Variants in SUGCT observed in about 807,000 individuals in gnomAD.
The protein encoded by SUGCT is succinyl-CoA:glutarate-CoA transferase.
In SUGCT, 41 loss-of-function variants were observed where a neutral mutation model predicts 55.0. That is an observed-to-expected ratio of 0.74 (90% CI 0.58 to 0.97). The LOEUF (loss-of-function observed/expected upper bound fraction) is 0.97, where lower values mean the gene tolerates loss of function less well. SUGCT is among the 50% of genes least tolerant of loss of function. SUGCT has a pLI of 0.00. For missense variants in SUGCT, 568 were observed against 547.8 expected (o/e 1.04, Z -0.37); for synonymous variants, 187 against 200.4 (o/e 0.93, Z 0.56).
chr7:40,441,152 G>A (rs551211358), intron 9 of SUGCT, among the ~76,000 whole-genome samples: 2 of 152,250 alleles, frequency 1.3e-5, no homozygotes, highest in Non-Finnish European at 2.9e-5. Context: ...TATTTGCCAA[G>A]TACATGAATC....
chr7:40,233,151 G>A lies in SUGCT; in HGVS notation c.485-4484G>A, dbSNP rs533512487. Among the ~76,000 whole-genome samples the A allele has an allele frequency of 4.6e-5, 7 of 151,932 alleles. No homozygotes were observed. In the East Asian group the frequency reaches 1.3e-3, roughly 29 times the overall value. The stretch of plus-strand genomic sequence containing the variant: ...AGTACTGGTAGTCAGTATTTAAATA[G>A]TTACAAGTATAAGGTGAAAATGTGG... On this transcript the variant is annotated intron_variant, in intron 6 of 13. Coordinates refer to ENST00000335693, the MANE Select transcript of SUGCT (RefSeq NM_001193313.2).
intron 12 of SUGCT, among the ~76,000 whole-genome samples, chr7:40,578,655 G>C (rs996621732): frequency 2.6e-5 from 4 of 152,148 alleles, no homozygotes; most frequent in Non-Finnish European, 4.4e-5. Flanking sequence ...AGCAAAATGA[G>C]TCTCTGAGAA....
intron 8 of SUGCT, among the ~76,000 whole-genome samples, chr7:40,278,825 A>C: frequency 1.4e-5 from 1 of 72,148 alleles, no homozygotes; most frequent in Non-Finnish European, 2.4e-5. Flanking sequence ...TTCAGATCTT[A>C]CATTTTTTTT....
chr7:40,219,821 C>T (rs1787924000), intron 6 of SUGCT, among the ~76,000 whole-genome samples: 1 of 152,084 alleles, frequency 6.6e-6, no homozygotes, highest in South Asian at 2.1e-4. Context: ...TAAAAGGCAA[C>T]TTGTTAATAA....
At chr7:40,421,901 T>A (rs928978149) in intron 9 of SUGCT, among the ~76,000 whole-genome samples, 1 of 152,134 alleles carries the variant, frequency 6.6e-6, no homozygotes, top group African/African-American at 2.4e-5. Context: ...TTCTCAGAGA[T>A]CTCCGACCTT....
At chr7:40,419,570 TTTC>T (rs1787195115) in intron 9 of SUGCT, among the ~76,000 whole-genome samples, 1 of 152,196 alleles carries the variant, frequency 6.6e-6, no homozygotes, top group Non-Finnish European at 1.5e-5. Context: ...CTCTCCATAT[TTTC>T]TTCTTCTTTG....
Position 40,159,449 on chromosome 7 carries a change from C to T in SUGCT, c.101-21498C>T, listed in dbSNP as rs547508919. Among the ~76,000 whole-genome samples the T allele has an allele frequency of 2.6e-5, 4 of 152,116 alleles. No individual in the cohort carries two copies. In the South Asian group the frequency reaches 6.2e-4, roughly 24 times the overall value. On this transcript the variant is annotated intron_variant, in intron 1 of 13. Coordinates refer to ENST00000335693, the MANE Select transcript of SUGCT (RefSeq NM_001193313.2). ...GCAGTGATATGATATCGGCTCACTA[C>T]AATCTCTGCCTCCTGGGTTCAAGCG...
the SUGCT span, among the ~76,000 whole-genome samples, chr7:40,964,125 C>T: frequency 6.6e-6 from 1 of 152,184 alleles, no homozygotes; most frequent in Non-Finnish European, 1.5e-5. Context: ...AATCCTTGCT[C>T]AAGAAGGACT....
the SUGCT span, among the ~76,000 whole-genome samples, chr7:40,907,111 G>GTGTGTGTGTGTGTGTGTGTT: frequency 2.8e-5 from 1 of 36,098 alleles, no homozygotes; most frequent in Non-Finnish European, 5.2e-5. Flanking sequence ...GTGTGTGTGT[G>GTGTGTGTGTGTGTGTGTGTT]TGTGTGTGTG....
At chr7:40,513,206 TCAACC>T (rs1364062207) in intron 12 of SUGCT, among the ~76,000 whole-genome samples, 4 of 152,138 alleles carry the variant, frequency 2.6e-5, no homozygotes, top group African/African-American at 7.2e-5. Context: ...CCATAACTGT[TCAACC>T]TTTGTCTTAT....
intron 9 of SUGCT, among the ~76,000 whole-genome samples, chr7:40,336,691 A>G (rs921614335): frequency 7.2e-5 from 11 of 152,104 alleles, no homozygotes; most frequent in African/African-American, 2.7e-4. Context: ...GATCTTTTCA[A>G]AAAACCAGCT....
intron 12 of SUGCT, among the ~76,000 whole-genome samples, chr7:40,623,321 C>T (rs1434103338): frequency 6.6e-6 from 1 of 152,150 alleles, no homozygotes; most frequent in Non-Finnish European, 1.5e-5. Context: ...GGATTTTAGA[C>T]TTTGTCCGTA....
chr7:40,909,713 A>T, the SUGCT span, among the ~76,000 whole-genome samples: 1 of 152,152 alleles, frequency 6.6e-6, no homozygotes, highest in Non-Finnish European at 1.5e-5. Context: ...CAACTACTCC[A>T]CTTGTCTGAT....
intron 12 of SUGCT, among the ~76,000 whole-genome samples, chr7:40,507,936 A>G (rs1481051624): frequency 1.3e-5 from 2 of 152,248 alleles, no homozygotes; most frequent in East Asian, 3.9e-4. Context: ...TGCTAGTATC[A>G]TGAAGCTAAC....
the SUGCT span, among the ~76,000 whole-genome samples, chr7:40,991,610 A>G: frequency 6.6e-6 from 1 of 152,252 alleles, no homozygotes; most frequent in East Asian, 1.9e-4. Flanking sequence ...CATCTATTGT[A>G]TCTTGATTTG....
At chr7:40,775,491 A>G (rs1484596952) in intron 13 of SUGCT, 1 of 152,238 alleles carries the variant, frequency 6.6e-6, no homozygotes, top group Non-Finnish European at 1.5e-5. Context: ...GTCAGATAAG[A>G]TGCCTAACAT....
At chr7:40,192,230 G>T (rs1785960584) in intron 5 of SUGCT, among the ~76,000 whole-genome samples, 1 of 151,898 alleles carries the variant, frequency 6.6e-6, no homozygotes, top group South Asian at 2.1e-4. Flanking sequence ...ATTACACAAG[G>T]CAATCAGCTG....
At chr7:41,001,288 G>A in the SUGCT span, among the ~76,000 whole-genome samples, 2 of 152,052 alleles carry the variant, frequency 1.3e-5, no homozygotes, top group Non-Finnish European at 2.9e-5. Context: ...ACTCAGAGAA[G>A]GAGTGTCACA....
At chr7:40,270,856 T>G (rs920297167) in intron 7 of SUGCT, among the ~76,000 whole-genome samples, 2 of 151,710 alleles carry the variant, frequency 1.3e-5, no homozygotes, top group Non-Finnish European at 2.9e-5. Flanking sequence ...GGTTTATTTT[T>G]GTCTTAATTT....
Sources: gnomAD v4.1 joint callset for allele counts (sites outside exome capture counted in the v4.1 genomes callset) on GRCh38, gnomAD v4.1.1 for gene constraint, MANE v1.5 for transcripts, NCBI Gene and HGNC (gene_info 2026-07-23, HGNC 2026-07-21) for gene names.